Variants in TG observed in about 807,000 individuals in gnomAD.
TG encodes thyroid hormones.
A neutral mutation model predicts 324.7 loss-of-function variants in TG; 270 were observed. That is an observed-to-expected ratio of 0.83 (90% CI 0.75 to 0.92). The LOEUF is 0.92. TG is among the 40% of genes least tolerant of loss of function. The pLI is 0.00. For missense variants in TG, 3,591 were observed against 3,456.4 expected (o/e 1.04, Z -0.98); for synonymous variants, 1,401 against 1,327.0 (o/e 1.06, Z -1.21).
intron 35 of TG, among the ~76,000 whole-genome samples, chr8:132,990,842 G>C (rs7845084): frequency 0.58 from 87,245 of 151,492 alleles, 26,509 homozygotes; most frequent in African/African-American, 0.73. Flanking sequence ...GAGTCTCCCC[G>C]CGAAGATGGT....
chr8:133,038,700 C>A (rs1483010370), intron 41 of TG: 2 of 1,613,972 alleles, frequency 1.2e-6, no homozygotes, highest in Admixed American at 1.7e-5. Context: ...TCGTCTACCC[C>A]AAGCGGGTTC....
rs1254808517 is a variant in TG at position 132,888,043 on chromosome 8, C to G, written c.2236C>G (p.Leu746Val). ...QAFLRTVQAL[L>V]SNSSMLPTLS... ...TTTCCTCAGGACGGTGCAGGCCCTGCTCTCTAACTCCAGCATGCTACCCAC... is the reference window on the plus strand; with the variant it reads ...TTTCCTCAGGACGGTGCAGGCCCTGGTCTCTAACTCCAGCATGCTACCCAC... The change falls in exon 10 of 48, where the codon CTC becomes GTC. Residue 746 changes from leucine to valine, a missense_variant. Leu to Val is a conservative substitution (Grantham distance 32). Coordinates refer to ENST00000220616, the MANE Select transcript of TG (RefSeq NM_003235.5). 1 of 1,614,044 alleles carries G rather than the reference C, an allele frequency of 6.2e-7. No homozygotes were observed. Among genetic ancestry groups the G allele is most frequent in the Non-Finnish European group, 8.5e-7 (1 of 1,180,028 alleles).
At chr8:133,072,299 G>A (rs1363317361) in intron 41 of TG, among the ~76,000 whole-genome samples, 2 of 152,206 alleles carry the variant, frequency 1.3e-5, no homozygotes, top group Non-Finnish European at 2.9e-5. Flanking sequence ...TCCTCCCTTA[G>A]CGGTTCTCAG....
At chr8:132,959,008 C>T (rs1827366427) in intron 27 of TG, among the ~76,000 whole-genome samples, 2 of 152,302 alleles carry the variant, frequency 1.3e-5, no homozygotes, top group Admixed American at 1.3e-4. Flanking sequence ...ATAACTTTTA[C>T]CTTCTAAAGA....
At position 132,923,374 on chromosome 8, in the gene TG, A is replaced by G; in HGVS notation, c.4565A>G (p.Gln1522Arg). 1 of 1,614,150 alleles carries G rather than the reference A, an allele frequency of 6.2e-7. No individual in the cohort carries two copies. The highest frequency in any genetic ancestry group is 8.5e-7 in the Non-Finnish European group (1 of 1,180,026). The change falls in exon 22 of 48, where the codon CAA becomes CGA. Residue 1522 changes from glutamine to arginine, a missense_variant. By Grantham distance (43) the Gln-to-Arg change is conservative. Transcript: ENST00000220616. ...TDCQRNEAGL[Q>R]CDQNGQYRAS... ...TGTCAGAGGAACGAAGCAGGCCTGC[A>G]ATGTGACCAGAATGGCCAGTATCGA...
At chr8:132,968,908 A>G (rs964341435) in intron 31 of TG, among the ~76,000 whole-genome samples, 1 of 152,180 alleles carries the variant, frequency 6.6e-6, no homozygotes, top group African/African-American at 2.4e-5. Flanking sequence ...TGAAGTGCTC[A>G]TGCCATGGTT....
At chr8:133,068,532 T>C (rs1843439869) in intron 41 of TG, among the ~76,000 whole-genome samples, 1 of 152,268 alleles carries the variant, frequency 6.6e-6, no homozygotes, top group South Asian at 2.1e-4. Context: ...CTGCTGTTTT[T>C]GTTTTTGTCT....
intron 35 of TG, among the ~76,000 whole-genome samples, chr8:133,009,155 G>A (rs1415918106): frequency 6.6e-6 from 1 of 152,218 alleles, no homozygotes; most frequent in Non-Finnish European, 1.5e-5. Context: ...TAAACACAGA[G>A]TATGGCCAAG....
chr8:133,063,917 T>C (rs749099829), intron 41 of TG, among the ~76,000 whole-genome samples: 7 of 152,228 alleles, frequency 4.6e-5, no homozygotes, highest in Non-Finnish European at 1.0e-4. Context: ...TGATTTAATC[T>C]GTGACAATTT....
At chr8:133,067,422 C>T (rs1044225613) in intron 41 of TG, among the ~76,000 whole-genome samples, 1 of 152,148 alleles carries the variant, frequency 6.6e-6, no homozygotes, top group Non-Finnish European at 1.5e-5. Flanking sequence ...CATGCAACTC[C>T]TAGCCTTCTT....
intron 32 of TG, 76 bp from the exon 33 acceptor site, chr8:132,971,718 C>A: frequency 9.7e-7 from 1 of 1,027,276 alleles, no homozygotes; most frequent in Non-Finnish European, 1.5e-6. Flanking sequence ...GCAAGAATGA[C>A]TACCATCAGC....
At chr8:133,094,579 G>A (rs960459667) in intron 41 of TG, 9 of 228,646 alleles carry the variant, frequency 3.9e-5, no homozygotes, top group African/African-American at 1.6e-4. Flanking sequence ...CTGTGTTTTC[G>A]TCACCTCCTA....
chr8:133,015,916 CT>C (rs1209303648), intron 37 of TG, among the ~76,000 whole-genome samples: 1 of 152,188 alleles, frequency 6.6e-6, no homozygotes, highest in African/African-American at 2.4e-5. Context: ...TTCATTTGCT[CT>C]TTTTTTCCTC....
chr8:132,867,557 CAAAT>C lies in TG; in HGVS notation c.67+493_67+496del, dbSNP rs375043700. On this transcript the variant is annotated intron_variant, in intron 1 of 47. Transcript: ENST00000220616. ...TTTTTTTTTTCATTTAAAAAGTAAA[CAAAT>C]AACACACACCTCATGATGCGGTTGT... is the stretch of plus-strand genomic sequence containing the variant. Among the ~76,000 whole-genome samples, 27 of 117,414 alleles carry C rather than the reference CAAAT, an allele frequency of 2.3e-4. No individual in the cohort carries two copies. The South Asian group carries it at 2.7e-3, about 12-fold the overall frequency. 77.0% of individuals were successfully genotyped at this position (117,414 alleles called of 152,430 possible). A position where few individuals can be genotyped will look rare whatever the true frequency, so the allele number is the denominator to read the frequency against.
At chr8:132,883,541 T>C (rs1478629900) in intron 8 of TG, among the ~76,000 whole-genome samples, 1 of 152,074 alleles carries the variant, frequency 6.6e-6, no homozygotes. Context: ...GAGAAAAAAT[T>C]GCTGGAGTAT....
chr8:132,957,068 T>C (rs1826988615), intron 27 of TG, among the ~76,000 whole-genome samples: 1 of 152,074 alleles, frequency 6.6e-6, no homozygotes, highest in South Asian at 2.1e-4. Flanking sequence ...GAAACATTCT[T>C]TCTTTTACCC....
intron 29 of TG, 102 bp from the exon 30 acceptor site, chr8:132,966,456 GTC>G (rs112044771): frequency 0.23 from 263,839 of 1,162,130 alleles, 19,760 homozygotes; most frequent in African/African-American, 0.45. Context: ...TTCTCTCTCT[GTC>G]TCTCTCTCTG....
chr8:132,943,846 C>A (rs1362804275), intron 26 of TG, among the ~76,000 whole-genome samples: 1 of 152,186 alleles, frequency 6.6e-6, no homozygotes, highest in Non-Finnish European at 1.5e-5. Context: ...GTTATTTCCA[C>A]CTTCTCCTCT....
At chr8:133,128,580 A>G (rs1400304738) in intron 45 of TG, among the ~76,000 whole-genome samples, 1 of 152,202 alleles carries the variant, frequency 6.6e-6, no homozygotes, top group African/African-American at 2.4e-5. Flanking sequence ...TTTTACTGAC[A>G]GGAAAACCAA....
Sources: gnomAD v4.1 joint callset for allele counts (sites outside exome capture counted in the v4.1 genomes callset) on GRCh38, gnomAD v4.1.1 for gene constraint, MANE v1.5 for transcripts, NCBI Gene and HGNC (gene_info 2026-07-23, HGNC 2026-07-21) for gene names.